The following VPS37A variants were observed in gnomAD, a reference collection of about 807,000 sequenced individuals.
VPS37A encodes the protein vacuolar protein sorting-associated protein 37A.
In VPS37A, 30 loss-of-function variants were observed where a neutral mutation model predicts 49.8. That is an observed-to-expected ratio of 0.60 (90% CI 0.45 to 0.82). The LOEUF (loss-of-function observed/expected upper bound fraction) is 0.82. Ranked by LOEUF, VPS37A falls within the 40% of genes least tolerant of loss-of-function variation. The pLI is 0.00. For missense variants in VPS37A, 593 were observed against 464.4 expected (o/e 1.28, Z -2.55); for synonymous variants, 195 against 160.6 (o/e 1.21, Z -1.62).
chr8:17,315,540 T>C, the VPS37A span, among the ~76,000 whole-genome samples: 12 of 152,304 alleles, frequency 7.9e-5, no homozygotes, highest in African/African-American at 2.9e-4. Flanking sequence ...ATGTGAATAA[T>C]GCAGGTGGCT....
chr8:17,310,461 G>A, the VPS37A span, among the ~76,000 whole-genome samples: 11 of 152,160 alleles, frequency 7.2e-5, no homozygotes, highest in African/African-American at 2.2e-4. Context: ...GTTTAATGGG[G>A]CACAATGAGA....
rs150470096 is a variant in VPS37A at position 17,295,300 on chromosome 8, T to G, written c.*314T>G. On this transcript the variant is annotated 3_prime_UTR_variant, in exon 12 of 12. Transcript: ENST00000324849. ...GTACTTTTAGCTAGTTTTTAATATT[T>G]TATAAAACTTCATTTAAATTTGTAT... is the stretch of plus-strand genomic sequence containing the variant. 38 of 152,718 alleles carry G rather than the reference T, an allele frequency of 2.5e-4. 1 individual carries two copies. The East Asian group carries it at 7.1e-3, about 29-fold the overall frequency. The allele number at this position is 152,718 out of a possible 1,614,324, so 9.5% of individuals were successfully genotyped here. A position where few individuals can be genotyped will look rare whatever the true frequency, so the allele number is the denominator to read the frequency against.
At chr8:17,332,155 C>G in the VPS37A span, among the ~76,000 whole-genome samples, 1 of 152,208 alleles carries the variant, frequency 6.6e-6, no homozygotes, top group Admixed American at 6.5e-5. Flanking sequence ...GACCATTCTC[C>G]TCCTCCACCC....
At chr8:17,330,789 A>G in the VPS37A span, among the ~76,000 whole-genome samples, 14 of 152,196 alleles carry the variant, frequency 9.2e-5, no homozygotes, top group Admixed American at 8.5e-4. Context: ...CCTGATCTCC[A>G]TACAAGAATG....
chr8:17,310,255 C>G, the VPS37A span, among the ~76,000 whole-genome samples: 1 of 152,108 alleles, frequency 6.6e-6, no homozygotes, highest in South Asian at 2.1e-4. Flanking sequence ...CCCTCCTTAA[C>G]CTCCCAAAAT....
At chr8:17,309,146 A>G in the VPS37A span, 1 of 654,480 alleles carries the variant, frequency 1.5e-6, no homozygotes, top group Non-Finnish European at 2.7e-6. Flanking sequence ...CATATACAAC[A>G]AAATTTAAGC....
At chr8:17,293,081 G>C (rs532101795) in intron 11 of VPS37A, among the ~76,000 whole-genome samples, 3 of 152,034 alleles carry the variant, frequency 2.0e-5, no homozygotes, top group Admixed American at 1.3e-4. Flanking sequence ...TCACTTTCAG[G>C]TACACCAATC....
the VPS37A span, among the ~76,000 whole-genome samples, chr8:17,308,740 G>A: frequency 1.3e-5 from 2 of 152,148 alleles, no homozygotes; most frequent in Non-Finnish European, 2.9e-5. Flanking sequence ...ACAGATGAGA[G>A]ACCAAAGGTC....
chr8:17,261,465 G>C (rs1339569835), intron 1 of VPS37A, among the ~76,000 whole-genome samples: 1 of 152,176 alleles, frequency 6.6e-6, no homozygotes, highest in Non-Finnish European at 1.5e-5. Flanking sequence ...ATTAGGGTCA[G>C]TCATTTGTTC....
chr8:17,256,533 G>A (rs762276554), intron 1 of VPS37A, among the ~76,000 whole-genome samples: 4 of 151,332 alleles, frequency 2.6e-5, no homozygotes, highest in Non-Finnish European at 5.9e-5. Context: ...TCATGTATTC[G>A]GTAGTTAATC....
the VPS37A span, among the ~76,000 whole-genome samples, chr8:17,311,282 A>G: frequency 6.6e-6 from 1 of 152,196 alleles, no homozygotes; most frequent in East Asian, 1.9e-4. Flanking sequence ...ATTCAGTAGC[A>G]TTGACTTGAA....
chr8:17,303,846 G>A (rs1817282454), downstream of VPS37A, among the ~76,000 whole-genome samples: 1 of 152,098 alleles, frequency 6.6e-6, no homozygotes, highest in Non-Finnish European at 1.5e-5. Context: ...CTGACCTAGG[G>A]TGATCCACCC....
Position 17,292,330 on chromosome 8 carries a change from C to G in VPS37A, c.*1-2657C>G, listed in dbSNP as rs201433881. 2.2e-4 allele frequency among the ~76,000 whole-genome samples: 34 copies of G among 152,252 alleles called. 2 individuals carry two copies. The East Asian group carries it at 6.6e-3, about 29-fold the overall frequency. On this transcript the variant is annotated intron_variant, in intron 11 of 11. Coordinates refer to ENST00000324849, the MANE Select transcript of VPS37A (RefSeq NM_152415.3). ...CTTTCCATTGGCTTGGTAAATCTTC[C>G]TCCATCCCTTTATTTTAAGCCTGTG...
chr8:17,320,408 T>C, the VPS37A span, among the ~76,000 whole-genome samples: 1 of 152,128 alleles, frequency 6.6e-6, no homozygotes, highest in African/African-American at 2.4e-5. Context: ...AGGGTATGTT[T>C]TTTTTTGTAA....
chr8:17,264,174 T>C (rs1813232236), intron 1 of VPS37A, among the ~76,000 whole-genome samples: 1 of 152,178 alleles, frequency 6.6e-6, no homozygotes, highest in Non-Finnish European at 1.5e-5. Context: ...CCCATGACAG[T>C]AAATAAATGG....
chr8:17,306,077 T>C (rs1286989987), downstream of VPS37A: 1 of 779,870 alleles, frequency 1.3e-6, no homozygotes, highest in Non-Finnish European at 2.0e-6. Flanking sequence ...TCTTACAAAC[T>C]TGGAATGACA....
chr8:17,265,743 A>G (rs1444106203), intron 1 of VPS37A, 164 bp from the exon 2 acceptor site: 9 of 1,522,022 alleles, frequency 5.9e-6, no homozygotes, highest in Non-Finnish European at 8.0e-6. Flanking sequence ...GAGCCTTTCT[A>G]ACTATGATCA....
At position 17,265,913 on chromosome 8, in the gene VPS37A, C is replaced by T. The variant is rs140443698; in HGVS notation, c.132C>T (p.Ala44=). 1.8e-5 allele frequency: 29 copies of T among 1,613,028 alleles called. No individual in the cohort carries two copies. The highest frequency in any genetic ancestry group is 1.7e-4 in the African/African-American group (13 of 74,806). ...ESLRNSHSSI[A]EIQKDVEYRL... is the part of the protein sequence containing the mutation. ...TTAAAATTTTCTCCTGCAGTATAGC[C>T]GAAATACAGAAAGATGTGGAATACA... Residue 44 remains alanine, a synonymous_variant, in exon 2 of 12, where the codon GCC becomes GCT. Transcript: ENST00000324849.
the VPS37A span, among the ~76,000 whole-genome samples, chr8:17,330,990 G>A: frequency 6.6e-6 from 1 of 152,154 alleles, no homozygotes; most frequent in Non-Finnish European, 1.5e-5. Flanking sequence ...TTACAAATAA[G>A]AGAAACGTTC....
Sources: gnomAD v4.1 joint callset for allele counts (sites outside exome capture counted in the v4.1 genomes callset) on GRCh38, gnomAD v4.1.1 for gene constraint, MANE v1.5 for transcripts, NCBI Gene and HGNC (gene_info 2026-07-23, HGNC 2026-07-21) for gene names.